Variants in PSD3 observed in about 807,000 individuals in gnomAD.
PSD3 encodes PH and SEC7 domain-containing protein 3.
PSD3 carries 49 observed loss-of-function variants against 105.5 expected under a neutral mutation model. The ratio of observed to expected loss-of-function variants is 0.46; its 90% CI spans 0.37 to 0.59. The LOEUF (loss-of-function observed/expected upper bound fraction) is 0.59. Among genes scored for constraint, PSD3 ranks in the 20% least tolerant of loss-of-function variants. The pLI, the probability that PSD3 is intolerant of heterozygous loss-of-function variation, is 0.00. For missense variants in PSD3, 1,561 were observed against 1,263.8 expected (o/e 1.24, Z -3.57); for synonymous variants, 557 against 457.8 (o/e 1.22, Z -2.77).
chr8:18,839,499 A>G (rs1304933575), intron 4 of PSD3, among the ~76,000 whole-genome samples: 2 of 152,114 alleles, frequency 1.3e-5, no homozygotes, highest in Admixed American at 1.3e-4. Context: ...AGCTCTTTAA[A>G]GGTGGAGTCT....
At chr8:18,625,685 T>C (rs946470063) in intron 11 of PSD3, among the ~76,000 whole-genome samples, 5 of 152,296 alleles carry the variant, frequency 3.3e-5, no homozygotes, top group Middle Eastern at 6.8e-3. Context: ...CTACTATTAG[T>C]TTGGTATAAT....
At chr8:19,068,196 C>T (rs908587908) in intron 1 of PSD3, among the ~76,000 whole-genome samples, 4 of 151,416 alleles carry the variant, frequency 2.6e-5, no homozygotes, top group Non-Finnish European at 4.4e-5. Context: ...AGATCCTTAG[C>T]GATGGTGGAA....
At chr8:18,855,519 C>G (rs762136115) in intron 4 of PSD3, among the ~76,000 whole-genome samples, 37 of 152,176 alleles carry the variant, frequency 2.4e-4, no homozygotes, top group Non-Finnish European at 2.5e-4. Flanking sequence ...GAATGAATTT[C>G]AAATACTGAG....
At chr8:18,579,763 A>C (rs1283112026) in intron 12 of PSD3, among the ~76,000 whole-genome samples, 1 of 152,200 alleles carries the variant, frequency 6.6e-6, no homozygotes, top group Non-Finnish European at 1.5e-5. Context: ...TTGGAAAATG[A>C]CCAAATTGTA....
intron 1 of PSD3, among the ~76,000 whole-genome samples, chr8:19,058,975 C>T (rs543397143): frequency 3.3e-4 from 51 of 152,280 alleles, no homozygotes; most frequent in Admixed American, 7.8e-4. Context: ...CAGAGCTACC[C>T]AACCTGAAGA....
chr8:18,651,641 C>T (rs142968469), intron 10 of PSD3, among the ~76,000 whole-genome samples: 1 of 152,064 alleles, frequency 6.6e-6, no homozygotes. Flanking sequence ...CTACAAATAA[C>T]CATAATGGGG....
chr8:18,781,570 T>C (rs997417247), intron 8 of PSD3, among the ~76,000 whole-genome samples: 1 of 152,188 alleles, frequency 6.6e-6, no homozygotes, highest in Non-Finnish European at 1.5e-5. Flanking sequence ...GCTAAGAAAT[T>C]TGCTATTAGT....
At chr8:18,914,509 A>C (rs1820454629) in intron 2 of PSD3, among the ~76,000 whole-genome samples, 1 of 152,254 alleles carries the variant, frequency 6.6e-6, no homozygotes, top group East Asian at 1.9e-4. Flanking sequence ...TAATAAATTC[A>C]GTAAGGTTGC....
At chr8:19,009,055 G>A (rs1826834434) in intron 1 of PSD3, among the ~76,000 whole-genome samples, 1 of 152,150 alleles carries the variant, frequency 6.6e-6, no homozygotes, top group Non-Finnish European at 1.5e-5. Flanking sequence ...TTGTTAATCT[G>A]CTTTATTGTG....
intron 2 of PSD3, among the ~76,000 whole-genome samples, chr8:18,889,481 G>C (rs1008556073): frequency 6.6e-6 from 1 of 152,086 alleles, no homozygotes. Context: ...CTGGACAACT[G>C]GGGGCCATCC....
At chr8:19,034,996 G>T (rs1332649435) in intron 1 of PSD3, among the ~76,000 whole-genome samples, 1 of 151,908 alleles carries the variant, frequency 6.6e-6, no homozygotes, top group African/African-American at 2.4e-5. Context: ...TCTAGAGATG[G>T]ATGCTCAGGA....
At position 18,534,593 on chromosome 8, in the gene PSD3, CAGA is replaced by C. The variant is rs1383511710; in HGVS notation, c.*1147_*1149del. ...AACAAAGTCACTTTGCACCTGCAAC[CAGA>C]AGATTCCTCAGTTTTCCAACCATAA... On this transcript the variant is annotated 3_prime_UTR_variant, in exon 16 of 16. Transcript: ENST00000327040. 6.6e-6 allele frequency: 1 copy of C among 152,152 alleles called. No homozygotes were observed. The highest frequency in any genetic ancestry group is 1.9e-4 in the East Asian group (1 of 5,198). 9.4% of individuals were successfully genotyped at this position (152,152 alleles called of 1,614,324 possible). A position where few individuals can be genotyped will look rare whatever the true frequency, so the allele number is the denominator to read the frequency against.
At position 18,726,969 on chromosome 8, in the gene PSD3, G is replaced by A. The variant is rs903525075; in HGVS notation, c.2172+38480C>T. Among the ~76,000 whole-genome samples the A allele has an allele frequency of 3.3e-5, 5 of 152,074 alleles. No homozygotes were observed. In the East Asian group the frequency reaches 5.8e-4, roughly 18 times the overall value. ...TGCACTTTGGGAGGCAGAGGCAGGA[G>A]GATCACCTGAAGTCAGGAGTTCTAG... On this transcript the variant is annotated intron_variant, in intron 9 of 15. Transcript: ENST00000327040.
intron 12 of PSD3, among the ~76,000 whole-genome samples, chr8:18,580,580 A>C (rs540904176): frequency 4.1e-4 from 63 of 152,154 alleles, no homozygotes; most frequent in African/African-American, 1.5e-3. Flanking sequence ...AGCCCCCAAA[A>C]CAAAACACAA....
intron 9 of PSD3, among the ~76,000 whole-genome samples, chr8:18,746,388 C>A (rs1805024579): frequency 6.6e-6 from 1 of 151,998 alleles, no homozygotes; most frequent in Non-Finnish European, 1.5e-5. Flanking sequence ...TCCTCCTCAC[C>A]CTTCCATGCC....
At chr8:18,943,513 A>T (rs1051773378) in intron 1 of PSD3, among the ~76,000 whole-genome samples, 35 of 152,302 alleles carry the variant, frequency 2.3e-4, no homozygotes, top group African/African-American at 8.2e-4. Flanking sequence ...AACCTGGAGA[A>T]GGAAAAGAAC....
intron 14 of PSD3, among the ~76,000 whole-genome samples, chr8:18,563,518 G>A (rs780056222): frequency 6.6e-6 from 1 of 152,028 alleles, no homozygotes; most frequent in Non-Finnish European, 1.5e-5. Flanking sequence ...ACAGAATTTA[G>A]AATACAGAAC....
At chr8:19,016,742 T>G (rs1827190810), upstream of PSD3, among the ~76,000 whole-genome samples, 1 of 152,158 alleles carries the variant, frequency 6.6e-6, no homozygotes, top group African/African-American at 2.4e-5. Flanking sequence ...AGGCTGGAAG[T>G]CCAAGAGCAC....
chr8:18,573,053 A>G (rs1311311899), intron 13 of PSD3, among the ~76,000 whole-genome samples: 1 of 152,262 alleles, frequency 6.6e-6, no homozygotes, highest in Non-Finnish European at 1.5e-5. Context: ...ATGCATTGGT[A>G]GAGGGAAGGT....
Sources: gnomAD v4.1 joint callset for allele counts (sites outside exome capture counted in the v4.1 genomes callset) on GRCh38, gnomAD v4.1.1 for gene constraint, MANE v1.5 for transcripts, NCBI Gene and HGNC (gene_info 2026-07-23, HGNC 2026-07-21) for gene names.